The following PUS10 variants were observed in gnomAD, a reference collection of about 807,000 sequenced individuals.
The protein encoded by PUS10 is tRNA pseudouridine synthase Pus10.
A neutral mutation model predicts 75.0 loss-of-function variants in PUS10; 59 were observed. That is an observed-to-expected ratio of 0.79 (90% CI 0.64 to 0.98). The LOEUF (loss-of-function observed/expected upper bound fraction) is 0.98. Among genes scored for constraint, PUS10 ranks in the 50% least tolerant of loss-of-function variants. PUS10 has a pLI of 0.00. For synonymous variants in PUS10, 219 were observed against 211.6 expected (o/e 1.03, Z -0.30); for missense variants, 650 against 614.4 (o/e 1.06, Z -0.61).
At chr2:61,009,418 T>G (rs1338389128) in intron 2 of PUS10, among the ~76,000 whole-genome samples, 2 of 152,166 alleles carry the variant, frequency 1.3e-5, no homozygotes, top group East Asian at 3.9e-4. Context: ...CCTTGCTAGG[T>G]TATTTAATAA....
chr2:61,012,718 C>T (rs1333640868), intron 1 of PUS10, among the ~76,000 whole-genome samples: 2 of 147,926 alleles, frequency 1.4e-5, no homozygotes, highest in Admixed American at 1.4e-4. Flanking sequence ...ACTGTAATCC[C>T]GGCTACTTGG....
chr2:60,971,865 CTT>C lies in PUS10; in HGVS notation c.469-310_469-309del, dbSNP rs756222357. ...GTGTTTCTTTTTCTTTCTTTCTTCT[CTT>C]TTTTTTTTTTTTTTTTTTTTTGAGA... is the stretch of plus-strand genomic sequence containing the variant. On this transcript the variant is annotated intron_variant, in intron 4 of 17. Coordinates refer to ENST00000316752, the MANE Select transcript of PUS10 (RefSeq NM_144709.4). Among the ~76,000 whole-genome samples, 495 of 99,576 alleles carry C rather than the reference CTT, an allele frequency of 5.0e-3. 2 individuals carry two copies. The highest frequency in any genetic ancestry group is 0.019 in the African/African-American group (443 of 23,068). The allele number at this position is 99,576 out of a possible 152,430, so 65.3% of individuals were successfully genotyped here.
At chr2:61,008,728 A>C (rs1368786725) in intron 3 of PUS10, 33 bp downstream of exon 3, 4 of 1,461,354 alleles carry the variant, frequency 2.7e-6, no homozygotes, top group Non-Finnish European at 3.7e-6. Flanking sequence ...ATCTCTACAT[A>C]ATTGCACCTA....
intron 8 of PUS10, among the ~76,000 whole-genome samples, chr2:60,963,178 T>A (rs1284754693): frequency 6.6e-6 from 1 of 152,228 alleles, no homozygotes; most frequent in Non-Finnish European, 1.5e-5. Flanking sequence ...GTCCCACTTC[T>A]CTCAAATTAT....
At chr2:60,955,467 T>A (rs1425325528) in intron 11 of PUS10, among the ~76,000 whole-genome samples, 1 of 152,038 alleles carries the variant, frequency 6.6e-6, no homozygotes, top group African/African-American at 2.4e-5. Flanking sequence ...GTAGCTGGGA[T>A]CACAAGTGCA....
rs774670439 is a variant in PUS10, at chr2:60,953,110, CCT to C, written c.1193_1194del (p.Glu398GlyfsTer9). On this transcript the variant is annotated frameshift_variant and splice_region_variant, in exon 15 of 18. Transcript: ENST00000316752. LOFTEE classifies it high-confidence loss of function. ...TCACCTTCTTTCATATGTCCTATTGCCTCTCTAAACAAAAACAATTTTTAGAA... is the reference window on the plus strand; with the variant it reads ...TCACCTTCTTTCATATGTCCTATTGCCTCTAAACAAAAACAATTTTTAGAA... ...QVRDLQLVTR[E>X]AIGHMKEGEE... The C allele has an allele frequency of 2.6e-6, 4 of 1,541,972 alleles. No individual in the cohort carries two copies. The Admixed American group carries it at 7.1e-5, about 28-fold the overall frequency.
intron 4 of PUS10, among the ~76,000 whole-genome samples, chr2:60,992,779 T>C (rs866632585): frequency 6.6e-6 from 1 of 152,206 alleles, no homozygotes; most frequent in Non-Finnish European, 1.5e-5. Context: ...CCTCACATTA[T>C]CTTTACTCAG....
At chr2:60,999,912 T>A (rs1407353351) in intron 4 of PUS10, among the ~76,000 whole-genome samples, 2 of 152,330 alleles carry the variant, frequency 1.3e-5, no homozygotes, top group East Asian at 3.9e-4. Flanking sequence ...AGCACCCACA[T>A]TGTAGTATAT....
intron 4 of PUS10, among the ~76,000 whole-genome samples, chr2:60,973,047 C>A (rs1435915165): frequency 3.3e-5 from 5 of 152,180 alleles, no homozygotes; most frequent in African/African-American, 1.2e-4. Context: ...CCCCTGTGCT[C>A]CACATCCCCG....
intron 4 of PUS10, among the ~76,000 whole-genome samples, chr2:60,983,841 T>C (rs949679500): frequency 5.3e-5 from 8 of 152,156 alleles, no homozygotes; most frequent in Admixed American, 1.3e-4. Flanking sequence ...GGTAACTGCA[T>C]ACCTAGATAA....
intron 8 of PUS10, 133 bp downstream of exon 8, chr2:60,964,925 G>T: frequency 1.2e-6 from 1 of 813,154 alleles, no homozygotes; most frequent in Non-Finnish European, 2.0e-6. Context: ...TGTAGCAAAT[G>T]GAAATATTTA....
At chr2:61,017,873 C>G (rs1279371795) in intron 1 of PUS10, 135 bp downstream of exon 1, 1 of 1,547,908 alleles carries the variant, frequency 6.5e-7, no homozygotes, top group Non-Finnish European at 8.7e-7. Flanking sequence ...ATTCTTCAGG[C>G]TGTGAGTTTA....
At chr2:60,953,378 T>C (rs1675463256) in intron 14 of PUS10, among the ~76,000 whole-genome samples, 1 of 152,198 alleles carries the variant, frequency 6.6e-6, no homozygotes. Context: ...AGACAACCAT[T>C]AACTGACTTT....
intron 4 of PUS10, among the ~76,000 whole-genome samples, chr2:60,978,192 A>C (rs13395195): frequency 6.8e-4 from 104 of 151,942 alleles, no homozygotes; most frequent in African/African-American, 2.4e-3. Flanking sequence ...GAGGCTGAGG[A>C]GGGTGGATCA....
chr2:61,011,945 GT>G, intron 1 of PUS10, 40 bp from the exon 2 acceptor site: 1 of 1,518,060 alleles, frequency 6.6e-7, no homozygotes, highest in African/African-American at 1.4e-5. Flanking sequence ...CAGCTTCTGC[GT>G]TTTACTGTCA....
At chr2:60,994,701 C>G (rs1415146055) in intron 4 of PUS10, among the ~76,000 whole-genome samples, 5 of 152,196 alleles carry the variant, frequency 3.3e-5, no homozygotes, top group Admixed American at 2.6e-4. Context: ...TTTCCCTAAC[C>G]TTGAAGATAC....
At chr2:60,992,563 C>A (rs1335958315) in intron 4 of PUS10, among the ~76,000 whole-genome samples, 1 of 151,368 alleles carries the variant, frequency 6.6e-6, no homozygotes. Context: ...CATCATAACA[C>A]CCCAGCCTCA....
chr2:61,000,687 C>A (rs1331536405), intron 4 of PUS10, among the ~76,000 whole-genome samples: 1 of 152,170 alleles, frequency 6.6e-6, no homozygotes, highest in Non-Finnish European at 1.5e-5. Flanking sequence ...ACTTTCTTCC[C>A]CTTTGGAAAA....
intron 4 of PUS10, among the ~76,000 whole-genome samples, chr2:61,000,148 T>C (rs1235462829): frequency 1.3e-5 from 2 of 152,186 alleles, no homozygotes; most frequent in African/African-American, 4.8e-5. Context: ...ATCTATCCTG[T>C]TCTGGATAAT....
Sources: gnomAD v4.1 joint callset for allele counts (sites outside exome capture counted in the v4.1 genomes callset) on GRCh38, gnomAD v4.1.1 for gene constraint, MANE v1.5 for transcripts, NCBI Gene and HGNC (gene_info 2026-07-23, HGNC 2026-07-21) for gene names.